The following MYH8 variants were observed in gnomAD, a reference collection of about 807,000 sequenced individuals.
MYH8 encodes the protein myosin heavy chain 8.
Under a neutral mutation model 233.2 loss-of-function variants are expected in MYH8, and 168 were observed. That is an observed-to-expected ratio of 0.72 (90% CI 0.64 to 0.82). The LOEUF (loss-of-function observed/expected upper bound fraction) is 0.82, where lower values mean the gene tolerates loss of function less well. Ranked by LOEUF, MYH8 falls within the 40% of genes least tolerant of loss-of-function variation. The pLI is 0.00. For missense variants in MYH8, 1,995 were observed against 2,327.8 expected, an observed-to-expected ratio of 0.86 and a Z score of 2.94; for synonymous variants, 785 against 850.6, an observed-to-expected ratio of 0.92 and a Z score of 1.34.
rs59619326 is a variant in MYH8 at position 10,399,249 on chromosome 17, CTG to C, written c.3862+292_3862+293del. ...GATTTTCAGATTAGGGATACTCAAC[CTG>C]TGTGTGTGTGTGTGTGTCTGTTTGT... is the stretch of plus-strand genomic sequence containing the variant. On this transcript the variant is annotated intron_variant, in intron 28 of 39. Transcript: ENST00000403437. 9.3e-5 allele frequency among the ~76,000 whole-genome samples: 14 copies of C among 149,776 alleles called. No individual in the cohort carries two copies. In the East Asian group the frequency reaches 1.6e-3, roughly 17 times the overall value.
rs1597398672 is a variant in MYH8, at chr17:10,399,000, A to G, written c.3863-114T>C. 29 of 263,950 alleles carry G rather than the reference A, an allele frequency of 1.1e-4. 2 individuals carry two copies. Among genetic ancestry groups the G allele is most frequent in the South Asian group, 2.9e-4 (3 of 10,472 alleles). The allele number at this position is 263,950 out of a possible 1,614,324, so 16.4% of individuals were successfully genotyped here. A position where few individuals can be genotyped will look rare whatever the true frequency, so the allele number is the denominator to read the frequency against. ...TATGTATATATGTGTGTGTGTATAT[A>G]TATATATATATATATATACAAGTTG... On this transcript the variant is annotated intron_variant, in intron 28 of 39. Coordinates refer to ENST00000403437, the MANE Select transcript of MYH8 (RefSeq NM_002472.3).
At position 10,392,862 on chromosome 17, in the gene MYH8, C is replaced by G. The variant is rs1168248353; in HGVS notation, c.5432G>C (p.Gly1811Ala). Reference protein sequence around the residue: ...DEAEQLALKGGKKQIQKLEAR... With the variant: ...DEAEQLALKGAKKQIQKLEAR... ...CTCCAGTTTCTGGATCTGCTTCTTCCCACCCTTCAGCGCCAGCTGCTCGGC... is the reference window on the plus strand; with the variant it reads ...CTCCAGTTTCTGGATCTGCTTCTTCGCACCCTTCAGCGCCAGCTGCTCGGC... The change falls in exon 37 of 40, where the codon GGG becomes GCG. Residue 1811 changes from glycine to alanine, a missense_variant. By Grantham distance (60) the Gly-to-Ala change is moderately conservative. This residue lies in a region of MYH8 where 1,498 missense variants were observed against 1,680.9 expected (regional missense o/e 0.89). Transcript: ENST00000403437. The G allele has an allele frequency of 6.2e-7, 1 of 1,614,132 alleles. No individual in the cohort carries two copies. The highest frequency in any genetic ancestry group is 1.7e-5 in the Admixed American group (1 of 60,016).
At position 10,421,670 on chromosome 17, in the gene MYH8, G is replaced by A. The variant is rs1381944948; in HGVS notation, c.-38C>T. ...AATAAAGCCAAGTCTTACCTCTGGA[G>A]TTCCAGATAAAAATGCAGGTTCAGA... On this transcript the variant is annotated 5_prime_UTR_variant, in exon 2 of 40. Coordinates refer to ENST00000403437, the MANE Select transcript of MYH8 (RefSeq NM_002472.3). 2 of 152,140 alleles carry A rather than the reference G, an allele frequency of 1.3e-5. No individual in the cohort carries two copies. The highest frequency in any genetic ancestry group is 4.8e-5 in the African/African-American group (2 of 41,404). 9.4% of individuals were successfully genotyped at this position (152,140 alleles called of 1,614,324 possible). A position where few individuals can be genotyped will look rare whatever the true frequency, so the allele number is the denominator to read the frequency against.
At chr17:10,401,813 G>C (rs749725076) in intron 22 of MYH8, 28 bp from the exon 23 acceptor site, 20 of 1,613,868 alleles carry the variant, frequency 1.2e-5, no homozygotes, top group Non-Finnish European at 1.7e-5. Context: ...CAGATACTTA[G>C]AGTCTGTTAC....
In MYH8 at chr17:10,392,083, C is replaced by T. The variant is rs796895572; in HGVS notation, c.5569-106G>A. On this transcript the variant is annotated intron_variant, in intron 38 of 39. Coordinates refer to ENST00000403437, the MANE Select transcript of MYH8 (RefSeq NM_002472.3). ...TGATGGCAGGTGGGCCTGGGGTAAA[C>T]TTGATCAACTCTGAGATTTTCTTCA... The T allele has an allele frequency of 8.0e-6, 7 of 876,478 alleles. No homozygotes were observed. In the African/African-American group the frequency reaches 9.8e-5, roughly 12 times the overall value. 54.3% of individuals were successfully genotyped at this position (876,478 alleles called of 1,614,324 possible).
At position 10,415,386 on chromosome 17, in the gene MYH8, T is replaced by C; in HGVS notation, c.649-2A>G. ...GATGATTTGATCTTCCAGAGTCCCC[T>C]GCAAAGGAAGGAGCAGTTCTCACAT... On this transcript the variant is annotated splice_acceptor_variant, in intron 7 of 39. Transcript: ENST00000403437. LOFTEE classifies it high-confidence loss of function. The surrounding 1 kb of genome is among the most constrained non-coding windows in gnomAD (Gnocchi z 4.1). 2.5e-6 allele frequency: 4 copies of C among 1,614,152 alleles called. No homozygotes were observed. The highest frequency in any genetic ancestry group is 3.4e-6 in the Non-Finnish European group (4 of 1,179,982).
At position 10,419,944 on chromosome 17, in the gene MYH8, T is replaced by C; in HGVS notation, c.210+74A>G. ...TTTGCATTGGCAACAGGCTTGGAGA[T>C]TCCCAGTAAGTTAGGCTTCAACTTT... On this transcript the variant is annotated intron_variant, in intron 3 of 39. Coordinates refer to ENST00000403437, the MANE Select transcript of MYH8 (RefSeq NM_002472.3). The surrounding 1 kb of genome is among the most constrained non-coding windows in gnomAD (Gnocchi z 4.0). 1 of 1,498,002 alleles carries C rather than the reference T, an allele frequency of 6.7e-7. No individual in the cohort carries two copies. 92.8% of individuals were successfully genotyped at this position (1,498,002 alleles called of 1,614,324 possible). A position where few individuals can be genotyped will look rare whatever the true frequency, so the allele number is the denominator to read the frequency against.
chr17:10,405,882 A>G (rs1401046655), intron 21 of MYH8, among the ~76,000 whole-genome samples, 159 bp downstream of exon 21: 1 of 152,228 alleles, frequency 6.6e-6, no homozygotes, highest in Non-Finnish European at 1.5e-5. Flanking sequence ...AAGGAATCCA[A>G]GTGTGAGAGC....
intron 35 of MYH8, among the ~76,000 whole-genome samples, chr17:10,393,672 CAG>C (rs2072050390): frequency 6.6e-6 from 1 of 152,176 alleles, no homozygotes; most frequent in Admixed American, 6.5e-5. Flanking sequence ...GATTTCAACT[CAG>C]TGTTTCTAGA....
At position 10,406,999 on chromosome 17, in the gene MYH8, G is replaced by A; in HGVS notation, c.1966-20C>T. The A allele has an allele frequency of 6.3e-7, 1 of 1,595,706 alleles. No homozygotes were observed. Among genetic ancestry groups the A allele is most frequent in the Non-Finnish European group, 8.6e-7 (1 of 1,163,388 alleles). On this transcript the variant is annotated intron_variant, in intron 17 of 39. Transcript: ENST00000403437. ...ATTTTCCTAGAAAACCAGACAGAAA[G>A]GACTTGATGAAAAAGTTCTATTTCA...
chr17:10,394,991 T>C (rs929470313), intron 34 of MYH8, 142 bp downstream of exon 34: 7 of 882,610 alleles, frequency 7.9e-6, no homozygotes. Context: ...ATATGTTCTA[T>C]GTGTATTTAA....
rs778859716 is a variant in MYH8, at chr17:10,398,806, T to A, written c.3943A>T (p.Ile1315Phe). The A allele has an allele frequency of 3.1e-6, 5 of 1,614,126 alleles. No individual in the cohort carries two copies. Among genetic ancestry groups the A allele is most frequent in the Non-Finnish European group, 4.2e-6 (5 of 1,180,028 alleles). ...TCTAGTTGATGTTTCAGCTCTTCAA[T>A]CTGCTGAGTAGATGCTTGCTTGCTC... ...SRSKQASTQQ[I>F]EELKHQLEEE... is the part of the protein sequence containing the mutation. Residue 1315 changes from isoleucine (I) to phenylalanine (F), a missense_variant, in exon 29 of 40, where the codon ATT becomes TTT. Physicochemically the swap from Ile to Phe is conservative, Grantham distance 21. Coordinates refer to ENST00000403437, the MANE Select transcript of MYH8 (RefSeq NM_002472.3).
rs771309686 is a variant in MYH8 at position 10,400,445 on chromosome 17, A to C, written c.3680T>G (p.Leu1227Arg). 4.3e-6 allele frequency: 7 copies of C among 1,613,946 alleles called. No individual in the cohort carries two copies. The highest frequency in any genetic ancestry group is 5.9e-6 in the Non-Finnish European group (7 of 1,179,932). Residue 1227 changes from leucine to arginine, a missense_variant, in exon 27 of 40, where the codon CTG becomes CGG. By Grantham distance (102) the Leu-to-Arg change is moderately radical. This residue lies in a region of MYH8 where 1,498 missense variants were observed against 1,680.9 expected (regional missense o/e 0.89). Coordinates refer to ENST00000403437, the MANE Select transcript of MYH8 (RefSeq NM_002472.3). The surrounding 1 kb of genome is among the most constrained non-coding windows in gnomAD (Gnocchi z 4.0). ...KQKLEKEKSE[L>R]KMETDDLSSN... The stretch of plus-strand genomic sequence containing the variant: ...GCTGAGGTCATCAGTCTCCATCTTC[A>C]GCTCACTCTTCTCCTTCTCCAGCTT...
Position 10,409,696 on chromosome 17 carries a change from TG to T in MYH8, c.1588-109del, listed in dbSNP as rs2072228164. On this transcript the variant is annotated intron_variant, in intron 15 of 39. Transcript: ENST00000403437. ...TGAGCACCCCAATTAAATATATGTATGAAATAAACCAGGGTCACAGCTCGAA... is the reference window on the plus strand; with the variant it reads ...TGAGCACCCCAATTAAATATATGTATAAATAAACCAGGGTCACAGCTCGAA... The T allele has an allele frequency of 9.0e-5, 129 of 1,439,168 alleles. No individual in the cohort carries two copies. In the South Asian group the frequency reaches 1.3e-3, roughly 14 times the overall value. 89.1% of individuals were successfully genotyped at this position (1,439,168 alleles called of 1,614,324 possible). A position where few individuals can be genotyped will look rare whatever the true frequency, so the allele number is the denominator to read the frequency against.
intron 27 of MYH8, 49 bp from the exon 28 acceptor site, chr17:10,399,718 G>T: frequency 1.2e-6 from 2 of 1,610,768 alleles, no homozygotes; most frequent in Non-Finnish European, 1.7e-6. Context: ...GCAATAAAAA[G>T]GTTAAAACTT....
rs549757510 is a variant in MYH8, at chr17:10,412,030, A to G, written c.1416+340T>C. 2.4e-4 allele frequency among the ~76,000 whole-genome samples: 37 copies of G among 152,102 alleles called. No individual in the cohort carries two copies. The South Asian group carries it at 7.7e-3, about 32-fold the overall frequency. On this transcript the variant is annotated intron_variant, in intron 14 of 39. Coordinates refer to ENST00000403437, the MANE Select transcript of MYH8 (RefSeq NM_002472.3). ...CTGTAGATCTGGGTTGCTGTCCTGG[A>G]TTTGTCTTATGCACCTGTGGGATCT...
rs1319111775 is a variant in MYH8, at chr17:10,400,723, T to C, written c.3402A>G (p.Lys1134=). The C allele has an allele frequency of 6.2e-7, 1 of 1,614,188 alleles. No individual in the cohort carries two copies. The change falls in exon 27 of 40, where the codon AAA becomes AAG. Residue 1134 remains lysine, a synonymous_variant. Coordinates refer to ENST00000403437, the MANE Select transcript of MYH8 (RefSeq NM_002472.3). This position sits in a 1 kb window ranked among gnomAD's most constrained non-coding sequence, Gnocchi z 4.0. ...EIEAERASRA[K]AEKQRSDLSR... is the part of the protein sequence containing the mutation. Reference sequence around the variant, plus strand: ...AGAGGTCAGAGCGCTGCTTCTCCGCTTTGGCTCGGGACGCCCTCTCTGCCT... The same window carrying C: ...AGAGGTCAGAGCGCTGCTTCTCCGCCTTGGCTCGGGACGCCCTCTCTGCCT...
At chr17:10,398,994 G>GTATA (rs71365759) in intron 28 of MYH8, 108 bp from the exon 29 acceptor site, 12,253 of 311,802 alleles carry the variant, frequency 0.039, 353 homozygotes, top group African/African-American at 0.059. Context: ...ATGTGTGTGT[G>GTATA]TATATATATA....
At position 10,392,568 on chromosome 17, in the gene MYH8, G is replaced by A. The variant is rs764912497; in HGVS notation, c.5542C>T (p.Arg1848Ter). Residue 1848 changes from arginine (R) to a stop codon, truncating the protein, a stop_gained, in exon 38 of 40, where the codon CGA becomes TGA. Coordinates refer to ENST00000403437, the MANE Select transcript of MYH8 (RefSeq NM_002472.3). LOFTEE classifies it high-confidence loss of function. ...TGGTAGGTGAGTTCTTTTACTCGTC[G>A]CTCATGTTTCCGTAAACCTTTAACA... ...EAVKGLRKHE[R>*]RVKELTYQTE... 10 of 1,613,958 alleles carry A rather than the reference G, an allele frequency of 6.2e-6. No homozygotes were observed. The highest frequency in any genetic ancestry group is 8.5e-6 in the Non-Finnish European group (10 of 1,179,980).
Sources: gnomAD v4.1 joint callset for allele counts (sites outside exome capture counted in the v4.1 genomes callset) on GRCh38, gnomAD v4.1.1 for gene constraint, gnomAD v4.1.1 regional missense constraint, Gnocchi (gnomAD v3.1) non-coding constraint, MANE v1.5 for transcripts, NCBI Gene and HGNC (gene_info 2026-07-23, HGNC 2026-07-21) for gene names.